EXOC6B: variants seen among roughly 807,000 people sequenced by gnomAD.
The protein encoded by EXOC6B is SEC15 homolog B.
Under a neutral mutation model 113.5 loss-of-function variants are expected in EXOC6B, and 54 were observed. The ratio of observed to expected loss-of-function variants is 0.48; its 90% confidence interval spans 0.38 to 0.60. The LOEUF is 0.60. EXOC6B is among the 20% of genes least tolerant of loss of function. EXOC6B has a pLI of 0.00. For synonymous variants in EXOC6B, 357 were observed against 339.0 expected, an observed-to-expected ratio of 1.05 and a Z score of -0.58; for missense variants, 797 against 977.5, an observed-to-expected ratio of 0.82 and a Z score of 2.46.
rs866804602 is a variant in EXOC6B, at chr2:72,622,337, T to G, written c.670-46669A>C. 2.0e-5 allele frequency among the ~76,000 whole-genome samples: 3 copies of G among 150,806 alleles called. No homozygotes were observed. In the Middle Eastern group the frequency reaches 0.01, roughly 516 times the overall value. ...AAAGCTACTCAAAATTTAGAATATA[T>G]GAAGAACTCATAAATTATTAAGAAA... On this transcript the variant is annotated intron_variant, in intron 6 of 21. Transcript: ENST00000272427.
At chr2:72,647,080 A>G (rs1413305799) in intron 6 of EXOC6B, among the ~76,000 whole-genome samples, 4 of 152,226 alleles carry the variant, frequency 2.6e-5, no homozygotes, top group Non-Finnish European at 1.5e-5. Flanking sequence ...AAGCAACTTC[A>G]GCAAAGTCTC....
intron 19 of EXOC6B, among the ~76,000 whole-genome samples, chr2:72,362,257 C>A (rs971262898): frequency 7.9e-5 from 12 of 152,114 alleles, no homozygotes; most frequent in Non-Finnish European, 1.8e-4. Flanking sequence ...GATTACATTA[C>A]ATTTAAAAAG....
At chr2:72,652,443 T>C (rs1573560077) in intron 6 of EXOC6B, among the ~76,000 whole-genome samples, 1 of 152,110 alleles carries the variant, frequency 6.6e-6, no homozygotes, top group Non-Finnish European at 1.5e-5. Flanking sequence ...TTATATAGGA[T>C]ACATATCGAT....
At chr2:72,653,993 G>A (rs1370165934) in intron 6 of EXOC6B, among the ~76,000 whole-genome samples, 2 of 144,366 alleles carry the variant, frequency 1.4e-5, no homozygotes, top group Admixed American at 7.0e-5. Flanking sequence ...TTTTTGAGAC[G>A]GAGTCTTACT....
chr2:72,229,503 T>C (rs1681472309), intron 20 of EXOC6B, among the ~76,000 whole-genome samples: 1 of 152,164 alleles, frequency 6.6e-6, no homozygotes, highest in Admixed American at 6.6e-5. Context: ...GCAAGACACC[T>C]CTTTCCAGAC....
intron 18 of EXOC6B, among the ~76,000 whole-genome samples, chr2:72,433,196 T>C (rs745498725): frequency 1.3e-5 from 2 of 152,200 alleles, no homozygotes; most frequent in Non-Finnish European, 2.9e-5. Context: ...TTTTGTCAGG[T>C]TTGTCACAGA....
At chr2:72,472,177 TTTG>T (rs1428664235) in intron 17 of EXOC6B, among the ~76,000 whole-genome samples, 1 of 152,154 alleles carries the variant, frequency 6.6e-6, no homozygotes. Flanking sequence ...GTAGTTTTCT[TTTG>T]TTGTTGTTCC....
At chr2:72,705,763 A>C (rs189393079) in intron 6 of EXOC6B, among the ~76,000 whole-genome samples, 2 of 146,674 alleles carry the variant, frequency 1.4e-5, no homozygotes, top group Non-Finnish European at 3.0e-5. Context: ...TTAGGTGGCC[A>C]CAAGACCTAC....
chr2:72,434,990 G>A (rs1166853915), intron 18 of EXOC6B, among the ~76,000 whole-genome samples: 1 of 151,988 alleles, frequency 6.6e-6, no homozygotes, highest in Non-Finnish European at 1.5e-5. Flanking sequence ...TCTTTTAATT[G>A]TGATGTTAGG....
intron 8 of EXOC6B, among the ~76,000 whole-genome samples, chr2:72,522,029 C>A (rs1701516730): frequency 6.6e-6 from 1 of 152,046 alleles, no homozygotes; most frequent in African/African-American, 2.4e-5. Context: ...TCCATATATA[C>A]CATCTGGAAT....
intron 19 of EXOC6B, among the ~76,000 whole-genome samples, chr2:72,375,462 C>T (rs1691299332): frequency 6.6e-6 from 1 of 152,058 alleles, no homozygotes; most frequent in Non-Finnish European, 1.5e-5. Flanking sequence ...AAAGTATGCT[C>T]TCTGATCAAA....
chr2:72,566,719 A>G (rs1274555768), intron 7 of EXOC6B, among the ~76,000 whole-genome samples: 1 of 152,088 alleles, frequency 6.6e-6, no homozygotes, highest in African/African-American at 2.4e-5. Context: ...TAGGTATTCT[A>G]ATAGCTGTAC....
chr2:72,184,024 C>T, intron 21 of EXOC6B, 51 bp downstream of exon 21: 1 of 1,052,068 alleles, frequency 9.5e-7, no homozygotes, highest in Non-Finnish European at 1.4e-6. Flanking sequence ...CGCCAACCCC[C>T]AATCCCTGTC....
rs549983883 is a variant in EXOC6B, at chr2:72,182,363, G to A, written c.2309+1712C>T. On this transcript the variant is annotated intron_variant, in intron 21 of 21. Transcript: ENST00000272427. ...GTAAATAACTGAAGGGAATCCCAGA[G>A]CCCATTTGAAGGACACATATGACCA... 5.9e-5 allele frequency among the ~76,000 whole-genome samples: 9 copies of A among 152,248 alleles called. No individual in the cohort carries two copies. In the South Asian group the frequency reaches 1.9e-3, roughly 32 times the overall value.
chr2:72,514,795 G>A lies in EXOC6B; in HGVS notation c.1000-115C>T, dbSNP rs548351055. 45 of 658,662 alleles carry A rather than the reference G, an allele frequency of 6.8e-5. No homozygotes were observed. In the East Asian group the frequency reaches 1.1e-3, roughly 16 times the overall value. The allele number at this position is 658,662 out of a possible 1,614,324, so 40.8% of individuals were successfully genotyped here. A position where few individuals can be genotyped will look rare whatever the true frequency, so the allele number is the denominator to read the frequency against. Reference sequence around the variant, plus strand: ...AGCTCCCTAGATGATATCTGATAAGGTAAAAATAATAATATTATCTACCAA... The same window carrying A: ...AGCTCCCTAGATGATATCTGATAAGATAAAAATAATAATATTATCTACCAA... On this transcript the variant is annotated intron_variant, in intron 9 of 21. Transcript: ENST00000272427.
intron 18 of EXOC6B, among the ~76,000 whole-genome samples, chr2:72,449,323 C>T (rs1272942363): frequency 6.6e-6 from 1 of 151,994 alleles, no homozygotes; most frequent in Non-Finnish European, 1.5e-5. Flanking sequence ...GCTGGGACTA[C>T]AGACGCCCAG....
chr2:72,498,604 C>CA (rs1700163810), intron 12 of EXOC6B, 53 bp from the exon 13 acceptor site: 40 of 1,092,732 alleles, frequency 3.7e-5, no homozygotes, highest in Admixed American at 9.4e-5. Context: ...GTTTTTTTTT[C>CA]GGTTTTTTTT....
chr2:72,730,386 A>C lies in EXOC6B; in HGVS notation c.464+621T>G, dbSNP rs185712115. 1.6e-4 allele frequency among the ~76,000 whole-genome samples: 25 copies of C among 152,278 alleles called. No individual in the cohort carries two copies. The East Asian group carries it at 4.6e-3, about 28-fold the overall frequency. On this transcript the variant is annotated intron_variant, in intron 5 of 21. Coordinates refer to ENST00000272427, the MANE Select transcript of EXOC6B (RefSeq NM_015189.3). ...ACAGGTGAAAACCTTAATAGGAAAA[A>C]GGCTGACTGTGCCCAAGGAAGAGGG...
At chr2:72,766,635 T>C (rs1354998886) in intron 1 of EXOC6B, among the ~76,000 whole-genome samples, 1 of 152,048 alleles carries the variant, frequency 6.6e-6, no homozygotes, top group Non-Finnish European at 1.5e-5. Context: ...ATAGATGGTT[T>C]ACCAGCAAAT....
Sources: allele counts gnomAD v4.1 joint callset (sites outside exome capture counted in the v4.1 genomes callset), GRCh38; gene constraint gnomAD v4.1.1; transcripts MANE v1.5; gene names NCBI Gene and HGNC (gene_info 2026-07-23, HGNC 2026-07-21).